The following PPM1E variants were observed in gnomAD, a reference collection of about 807,000 sequenced individuals.
The protein encoded by PPM1E is protein phosphatase 1E.
Under a neutral mutation model 65.9 loss-of-function variants are expected in PPM1E, and 20 were observed. The observed-to-expected ratio is 0.30, with a 90% CI of 0.21 to 0.44. The LOEUF is 0.44. Ranked by LOEUF, PPM1E falls within the 20% of genes least tolerant of loss-of-function variation. The pLI, the probability that PPM1E is intolerant of heterozygous loss-of-function variation, is 1.00. For missense variants in PPM1E, 713 were observed against 953.1 expected, an observed-to-expected ratio of 0.75 and a Z score of 3.32; for synonymous variants, 352 against 374.9, an observed-to-expected ratio of 0.94 and a Z score of 0.70.
At chr17:58,778,175 CT>C (rs2050011982) in intron 1 of PPM1E, among the ~76,000 whole-genome samples, 2 of 152,074 alleles carry the variant, frequency 1.3e-5, no homozygotes, top group Admixed American at 1.3e-4. Flanking sequence ...TCTCGGCTCC[CT>C]GCAAACTCCG....
At chr17:58,855,702 A>G (rs899628434) in intron 1 of PPM1E, among the ~76,000 whole-genome samples, 1 of 152,200 alleles carries the variant, frequency 6.6e-6, no homozygotes, top group Non-Finnish European at 1.5e-5. Context: ...TTTTAAATAT[A>G]TAGGGAAATT....
intron 1 of PPM1E, among the ~76,000 whole-genome samples, chr17:58,852,811 C>T (rs2050841401): frequency 6.6e-6 from 1 of 152,032 alleles, no homozygotes; most frequent in Non-Finnish European, 1.5e-5. Context: ...ACCGTGTTGG[C>T]CAGGATGGTC....
intron 3 of PPM1E, 73 bp from the exon 4 acceptor site, chr17:58,969,466 G>A (rs1477571229): frequency 1.4e-6 from 2 of 1,425,506 alleles, no homozygotes; most frequent in African/African-American, 2.8e-5. Context: ...GGGCAACAAT[G>A]ATGCCAGGAG....
intron 1 of PPM1E, among the ~76,000 whole-genome samples, chr17:58,781,536 C>T (rs954922321): frequency 2.0e-5 from 3 of 152,082 alleles, no homozygotes; most frequent in African/African-American, 4.8e-5. Flanking sequence ...CTGACATTTT[C>T]GTCTTAGATT....
intron 1 of PPM1E, among the ~76,000 whole-genome samples, chr17:58,770,995 T>C (rs2049932148): frequency 6.6e-6 from 1 of 152,036 alleles, no homozygotes; most frequent in Non-Finnish European, 1.5e-5. Context: ...TAGCTGGGAC[T>C]ACAGGCGCAT....
intron 1 of PPM1E, among the ~76,000 whole-genome samples, chr17:58,917,200 ACT>A (rs1339095273): frequency 6.8e-6 from 1 of 147,254 alleles, no homozygotes; most frequent in Non-Finnish European, 1.5e-5. Flanking sequence ...ACAGAGCGAG[ACT>A]CTGTCTCAAA....
chr17:58,783,232 T>C (rs2050066683), intron 1 of PPM1E, among the ~76,000 whole-genome samples: 1 of 152,108 alleles, frequency 6.6e-6, no homozygotes, highest in Non-Finnish European at 1.5e-5. Flanking sequence ...ACAGTAAAAA[T>C]AATTTGAAAG....
At chr17:58,828,508 A>G (rs1263300753) in intron 1 of PPM1E, among the ~76,000 whole-genome samples, 2 of 151,962 alleles carry the variant, frequency 1.3e-5, no homozygotes, top group Non-Finnish European at 2.9e-5. Context: ...CTTGTTTCCC[A>G]GGCTGGAGTG....
intron 1 of PPM1E, among the ~76,000 whole-genome samples, chr17:58,839,114 T>C (rs1339031958): frequency 2.6e-5 from 4 of 152,142 alleles, no homozygotes; most frequent in African/African-American, 9.7e-5. Flanking sequence ...ACATTATGCA[T>C]TTGTTAAAGT....
chr17:58,855,248 A>C (rs2050869766), intron 1 of PPM1E, among the ~76,000 whole-genome samples: 1 of 152,180 alleles, frequency 6.6e-6, no homozygotes, highest in African/African-American at 2.4e-5. Context: ...TAGTTAACTA[A>C]ATAGGATCTA....
intron 1 of PPM1E, among the ~76,000 whole-genome samples, chr17:58,914,063 A>T (rs1217891698): frequency 1.3e-5 from 2 of 152,198 alleles, no homozygotes; most frequent in Non-Finnish European, 2.9e-5. Flanking sequence ...GACAGCTTGG[A>T]GGTTAAAAGC....
In PPM1E at chr17:58,864,149, C is replaced by CA. The variant is rs1020648063; in HGVS notation, c.465-91488dup. Among the ~76,000 whole-genome samples, 498 of 142,808 alleles carry CA rather than the reference C, an allele frequency of 3.5e-3. 2 individuals carry two copies. The highest frequency in any genetic ancestry group is 0.011 in the African/African-American group (429 of 39,104). The allele number at this position is 142,808 out of a possible 152,430, so 93.7% of individuals were successfully genotyped here. ...TGGGCAACATAGTGAGACCCTGTCTCAAAAAAAAAAAATTCTCTTTGTTTC... is the reference window on the plus strand; with the variant it reads ...TGGGCAACATAGTGAGACCCTGTCTCAAAAAAAAAAAAATTCTCTTTGTTTC... On this transcript the variant is annotated intron_variant, in intron 1 of 6. Coordinates refer to ENST00000308249, the MANE Select transcript of PPM1E (RefSeq NM_014906.5).
intron 1 of PPM1E, among the ~76,000 whole-genome samples, chr17:58,835,306 C>T (rs2050644370): frequency 6.6e-6 from 1 of 152,192 alleles, no homozygotes; most frequent in Non-Finnish European, 1.5e-5. Flanking sequence ...ATTTGTGCCA[C>T]TGCACTTCAG....
In PPM1E at chr17:58,853,964, G is replaced by A. The variant is rs148105923; in HGVS notation, c.464+97503G>A. Among the ~76,000 whole-genome samples the A allele has an allele frequency of 7.2e-4, 109 of 152,082 alleles. 2 individuals are homozygous for A. Among genetic ancestry groups the A allele is most frequent in the Admixed American group, 5.7e-3 (87 of 15,254 alleles). ...GAGTTTGTCTTTTTCTACAAAAACC[G>A]TTATTTGGATATTGATAGAGATTGC... is the stretch of plus-strand genomic sequence containing the variant. On this transcript the variant is annotated intron_variant, in intron 1 of 6. Coordinates refer to ENST00000308249, the MANE Select transcript of PPM1E (RefSeq NM_014906.5).
chr17:58,921,625 C>T (rs918167162), intron 1 of PPM1E, among the ~76,000 whole-genome samples: 8 of 150,530 alleles, frequency 5.3e-5, no homozygotes, highest in African/African-American at 2.0e-4. Flanking sequence ...GATCGTGCCA[C>T]TGCACTCCAG....
At chr17:58,927,436 T>C (rs1374974620) in intron 1 of PPM1E, among the ~76,000 whole-genome samples, 2 of 152,082 alleles carry the variant, frequency 1.3e-5, no homozygotes, top group Admixed American at 1.3e-4. Context: ...AGCCGACTTT[T>C]AAACTTTTTA....
chr17:58,823,930 C>T (rs2050505943), intron 1 of PPM1E, among the ~76,000 whole-genome samples: 1 of 151,936 alleles, frequency 6.6e-6, no homozygotes, highest in Non-Finnish European at 1.5e-5. Flanking sequence ...CAGGGTTTCA[C>T]CACGTTAGCC....
At chr17:58,914,431 A>G (rs1257592196) in intron 1 of PPM1E, among the ~76,000 whole-genome samples, 1 of 152,160 alleles carries the variant, frequency 6.6e-6, no homozygotes, top group Non-Finnish European at 1.5e-5. Context: ...TATGAGCATA[A>G]CAGTCTTAAG....
chr17:58,946,558 C>T (rs978393498), intron 1 of PPM1E, among the ~76,000 whole-genome samples: 2 of 152,054 alleles, frequency 1.3e-5, no homozygotes, highest in South Asian at 2.1e-4. Flanking sequence ...GGGCTTAAAG[C>T]GATCTTCCTG....
Sources: gnomAD v4.1 joint callset for allele counts (sites outside exome capture counted in the v4.1 genomes callset) on GRCh38, gnomAD v4.1.1 for gene constraint, MANE v1.5 for transcripts, NCBI Gene and HGNC (gene_info 2026-07-23, HGNC 2026-07-21) for gene names.